Variants in CSMD1 observed in about 807,000 individuals in gnomAD.
CSMD1 encodes the protein CUB and sushi domain-containing protein 1.
Under a neutral mutation model 417.5 loss-of-function variants are expected in CSMD1, and 213 were observed. The ratio of observed to expected loss-of-function variants is 0.51; its 90% CI spans 0.46 to 0.57. The LOEUF (loss-of-function observed/expected upper bound fraction) is 0.57. Ranked by LOEUF, CSMD1 falls within the 20% of genes least tolerant of loss-of-function variation. CSMD1 has a pLI of 0.00. For synonymous variants in CSMD1, 2,862 were observed against 1,736.8 expected (o/e 1.65, Z -16.11); for missense variants, 6,923 against 4,529.7 (o/e 1.53, Z -15.17).
At chr8:4,169,415 T>C (rs1417499001) in intron 3 of CSMD1, among the ~76,000 whole-genome samples, 1 of 152,158 alleles carries the variant, frequency 6.6e-6, no homozygotes, top group African/African-American at 2.4e-5. Flanking sequence ...ACTCGTCTTT[T>C]TCTCACATCC....
chr8:4,343,937 A>G (rs11984458), intron 3 of CSMD1, among the ~76,000 whole-genome samples: 32,340 of 152,064 alleles, frequency 0.21, 5,071 homozygotes, highest in African/African-American at 0.45. Flanking sequence ...AAGTGTTTTA[A>G]AAATTATAAT....
chr8:3,965,618 ATTTAT>A (rs931817405), intron 5 of CSMD1, among the ~76,000 whole-genome samples: 2 of 151,808 alleles, frequency 1.3e-5, no homozygotes, highest in Non-Finnish European at 2.9e-5. Flanking sequence ...CTTTTTATTT[ATTTAT>A]TTATTTATTT....
intron 10 of CSMD1, among the ~76,000 whole-genome samples, chr8:3,513,124 A>AT (rs1363090007): frequency 3.0e-4 from 46 of 151,282 alleles, no homozygotes; most frequent in African/African-American, 1.1e-3. Context: ...AATTATTATT[A>AT]TTATTTTTTT....
intron 41 of CSMD1, among the ~76,000 whole-genome samples, chr8:3,124,918 C>T (rs1817411770): frequency 6.6e-6 from 1 of 152,162 alleles, no homozygotes; most frequent in African/African-American, 2.4e-5. Flanking sequence ...AAACTATACA[C>T]TAAGTAAGAG....
chr8:4,974,541 T>A (rs140521244), intron 1 of CSMD1, among the ~76,000 whole-genome samples: 34 of 152,248 alleles, frequency 2.2e-4, no homozygotes, highest in African/African-American at 6.5e-4. Context: ...GAGAGTTAGT[T>A]CAGGCATACA....
At chr8:3,443,954 C>T (rs375315334) in intron 12 of CSMD1, among the ~76,000 whole-genome samples, 4 of 151,976 alleles carry the variant, frequency 2.6e-5, no homozygotes, top group Non-Finnish European at 4.4e-5. Flanking sequence ...TTACTGAGAG[C>T]GGGGACACTG....
At chr8:4,205,254 A>G (rs909510165) in intron 3 of CSMD1, among the ~76,000 whole-genome samples, 2 of 152,170 alleles carry the variant, frequency 1.3e-5, no homozygotes, top group Non-Finnish European at 2.9e-5. Flanking sequence ...ACATTATATC[A>G]TATTTTTGCT....
At chr8:4,366,802 C>T (rs779158234) in intron 3 of CSMD1, among the ~76,000 whole-genome samples, 1 of 152,196 alleles carries the variant, frequency 6.6e-6, no homozygotes, top group African/African-American at 2.4e-5. Flanking sequence ...TGCTGTGCTG[C>T]ACCCATTAAC....
At chr8:3,211,951 G>A (rs1585669906) in intron 30 of CSMD1, among the ~76,000 whole-genome samples, 1 of 152,192 alleles carries the variant, frequency 6.6e-6, no homozygotes, top group Non-Finnish European at 1.5e-5. Flanking sequence ...CCTGGGCCAG[G>A]ACAGGGAAGG....
At chr8:4,103,439 A>C (rs1048922591) in intron 3 of CSMD1, among the ~76,000 whole-genome samples, 2 of 151,160 alleles carry the variant, frequency 1.3e-5, no homozygotes, top group African/African-American at 4.8e-5. Context: ...TCTGTTAAAA[A>C]AGGGTACCAT....
intron 7 of CSMD1, among the ~76,000 whole-genome samples, chr8:3,655,961 C>T (rs891927113): frequency 2.6e-5 from 4 of 152,178 alleles, no homozygotes; most frequent in Admixed American, 2.6e-4. Flanking sequence ...GATTCCTGTC[C>T]CACCTGGCTC....
At chr8:4,074,686 T>C (rs1008933954) in intron 3 of CSMD1, among the ~76,000 whole-genome samples, 1 of 152,130 alleles carries the variant, frequency 6.6e-6, no homozygotes, top group Non-Finnish European at 1.5e-5. Flanking sequence ...GTTAAAATTT[T>C]GTATAAAGAT....
chr8:3,680,117 T>C (rs1216086737), intron 7 of CSMD1, among the ~76,000 whole-genome samples: 2 of 151,832 alleles, frequency 1.3e-5, no homozygotes, highest in Non-Finnish European at 2.9e-5. Context: ...AACATCACAA[T>C]TGAAACAACT....
intron 1 of CSMD1, among the ~76,000 whole-genome samples, chr8:4,652,665 A>C (rs79625521): frequency 6.6e-6 from 1 of 151,986 alleles, no homozygotes; most frequent in Non-Finnish European, 1.5e-5. Context: ...TTTAAAAAAA[A>C]AGACAGATTC....
intron 37 of CSMD1, among the ~76,000 whole-genome samples, chr8:3,176,177 T>C (rs962913924): frequency 3.0e-4 from 46 of 152,166 alleles, no homozygotes; most frequent in African/African-American, 1.0e-3. Context: ...AAAAATATGA[T>C]TATTAAACAA....
chr8:3,672,856 A>C (rs192422163), intron 7 of CSMD1, among the ~76,000 whole-genome samples: 1 of 151,904 alleles, frequency 6.6e-6, no homozygotes, highest in Non-Finnish European at 1.5e-5. Context: ...CGCAGCTTCT[A>C]CTCCTCCTTC....
chr8:3,379,646 G>A (rs1386108666), intron 18 of CSMD1, among the ~76,000 whole-genome samples: 1 of 152,154 alleles, frequency 6.6e-6, no homozygotes. Context: ...AAGCAATGGG[G>A]AAAGGATTCC....
At chr8:3,271,884 T>G (rs1438987960) in intron 26 of CSMD1, among the ~76,000 whole-genome samples, 2 of 152,146 alleles carry the variant, frequency 1.3e-5, no homozygotes, top group African/African-American at 4.8e-5. Context: ...GTAGGTTGCC[T>G]GTTCACTCTG....
chr8:3,584,257 G>A (rs1800505713), intron 9 of CSMD1, among the ~76,000 whole-genome samples: 1 of 152,170 alleles, frequency 6.6e-6, no homozygotes, highest in Non-Finnish European at 1.5e-5. Flanking sequence ...GGCACTCTTT[G>A]CCTGTGGAGT....
Sources: allele counts gnomAD v4.1 joint callset (sites outside exome capture counted in the v4.1 genomes callset), GRCh38; gene constraint gnomAD v4.1.1; transcripts MANE v1.5; gene names NCBI Gene and HGNC (gene_info 2026-07-23, HGNC 2026-07-21).